NEDD4L: variants seen among roughly 807,000 people sequenced by gnomAD.
NEDD4L encodes the protein E3 ubiquitin-protein ligase NEDD4-like.
In NEDD4L, 54 loss-of-function variants were observed where a neutral mutation model predicts 148.9. That is an observed-to-expected ratio of 0.36 (90% CI 0.29 to 0.45). The LOEUF is 0.45. NEDD4L is among the 20% of genes least tolerant of loss of function. The pLI, the probability that NEDD4L is intolerant of heterozygous loss-of-function variation, is 1.00. For synonymous variants in NEDD4L, 433 were observed against 440.7 expected, an observed-to-expected ratio of 0.98 and a Z score of 0.22; for missense variants, 856 against 1,233.8, an observed-to-expected ratio of 0.69 and a Z score of 4.59.
At position 58,079,545 on chromosome 18, in the gene NEDD4L, G is replaced by T. The variant is rs547462852; in HGVS notation, c.48+34837G>T. 1.3e-4 allele frequency among the ~76,000 whole-genome samples: 20 copies of T among 152,330 alleles called. No individual in the cohort carries two copies. In the South Asian group the frequency reaches 2.9e-3, roughly 22 times the overall value. On this transcript the variant is annotated intron_variant, in intron 1 of 30. Transcript: ENST00000400345. ...TGAGCCTCAGAGAGGTTGGTGATTT[G>T]CCCCAAGTCATAGCTGGGAAGTGGC... is the stretch of plus-strand genomic sequence containing the variant.
intron 1 of NEDD4L, among the ~76,000 whole-genome samples, chr18:58,097,316 G>A (rs2084476926): frequency 6.6e-6 from 1 of 152,226 alleles, no homozygotes; most frequent in African/African-American, 2.4e-5. Flanking sequence ...CCAGGCCATA[G>A]TTCGCAGTTG....
At chr18:58,192,306 C>G (rs933985239) in intron 2 of NEDD4L, among the ~76,000 whole-genome samples, 1 of 152,170 alleles carries the variant, frequency 6.6e-6, no homozygotes, top group African/African-American at 2.4e-5. Flanking sequence ...TGTTCAAGAT[C>G]AGAAATGATT....
At chr18:58,328,172 C>T (rs540403552) in intron 9 of NEDD4L, among the ~76,000 whole-genome samples, 4 of 152,040 alleles carry the variant, frequency 2.6e-5, no homozygotes, top group Non-Finnish European at 4.4e-5. Context: ...GCCATGTTGG[C>T]CAGGTACGTC....
chr18:58,094,900 T>TTAAAAAAAAAAA (rs751417792), intron 1 of NEDD4L, among the ~76,000 whole-genome samples: 2 of 129,516 alleles, frequency 1.5e-5, no homozygotes, highest in African/African-American at 5.7e-5. Context: ...AAAGAGCACT[T>TTAAAAAAAAAAA]AAAAAAAAAA....
At position 58,160,329 on chromosome 18, in the gene NEDD4L, G is replaced by A. The variant is rs927564608; in HGVS notation, c.49-5459G>A. On this transcript the variant is annotated intron_variant, in intron 1 of 30. Coordinates refer to ENST00000400345, the MANE Select transcript of NEDD4L (RefSeq NM_001144967.3). The stretch of plus-strand genomic sequence containing the variant: ...AGTGTGCTGCTGTCACTTATGGCTC[G>A]GGCACCTTATCTTGTTTTATGTCTT... Among the ~76,000 whole-genome samples, 3 of 152,078 alleles carry A rather than the reference G, an allele frequency of 2.0e-5. No individual in the cohort carries two copies. The South Asian group carries it at 6.2e-4, about 32-fold the overall frequency.
chr18:58,224,925 G>A (rs2044185687), intron 2 of NEDD4L, among the ~76,000 whole-genome samples: 1 of 152,134 alleles, frequency 6.6e-6, no homozygotes, highest in African/African-American at 2.4e-5. Context: ...TCTGAATGAG[G>A]ATGGTGATCA....
rs751417792 is a variant in NEDD4L at position 58,094,900 on chromosome 18, T to TTAAAAA, written c.48+50192_48+50193insTAAAAA. Among the ~76,000 whole-genome samples the TTAAAAA allele has an allele frequency of 1.0e-3, 130 of 129,502 alleles. 2 individuals carry two copies. The highest frequency in any genetic ancestry group is 2.5e-3 in the African/African-American group (90 of 35,432). 85.0% of individuals were successfully genotyped at this position (129,502 alleles called of 152,430 possible). A position where few individuals can be genotyped will look rare whatever the true frequency, so the allele number is the denominator to read the frequency against. ...CGTGAATGCCTCTAGAAAGAGCACT[T>TTAAAAA]AAAAAAAAAAAAAAAAAAGAAGGGA... On this transcript the variant is annotated intron_variant, in intron 1 of 30. Coordinates refer to ENST00000400345, the MANE Select transcript of NEDD4L (RefSeq NM_001144967.3).
Position 58,044,691 on chromosome 18 carries a change from G to A in NEDD4L, c.31G>A (p.Gly11Arg). The A allele has an allele frequency of 6.2e-7, 1 of 1,609,302 alleles. No individual in the cohort carries two copies. ...GACCGGGCTCGGGGAGCCGGTCTAT[G>A]GACTTTCCGAAGACGAGGTGAGTGG... Reference protein sequence around the residue: MATGLGEPVYGLSEDEGESRI... With the variant: MATGLGEPVYRLSEDEGESRI... The change falls in exon 1 of 31, where the codon GGA becomes AGA. Residue 11 changes from glycine to arginine, a missense_variant. Transcript: ENST00000400345.
intron 10 of NEDD4L, among the ~76,000 whole-genome samples, chr18:58,329,587 C>T (rs1381679550): frequency 6.6e-6 from 1 of 151,920 alleles, no homozygotes; most frequent in African/African-American, 2.4e-5. Flanking sequence ...AATCTCCTGA[C>T]CTCGAGATCC....
At chr18:58,377,738 GGTTT>G (rs142530831) in intron 24 of NEDD4L, among the ~76,000 whole-genome samples, 2 of 151,390 alleles carry the variant, frequency 1.3e-5, no homozygotes, top group South Asian at 2.1e-4. Flanking sequence ...TTTGGTTATG[GGTTT>G]GTTTGTTTGT....
intron 2 of NEDD4L, among the ~76,000 whole-genome samples, chr18:58,244,544 A>G (rs1452762100): frequency 2.6e-5 from 4 of 152,248 alleles, no homozygotes. Flanking sequence ...TGATGTGTAC[A>G]AGGAATTCTG....
intron 2 of NEDD4L, among the ~76,000 whole-genome samples, chr18:58,186,654 A>G (rs2039515721): frequency 6.6e-6 from 1 of 152,216 alleles, no homozygotes; most frequent in African/African-American, 2.4e-5. Context: ...TATTATTGGC[A>G]TTTTCCAGAT....
At chr18:58,125,618 C>G (rs2030936395) in intron 1 of NEDD4L, among the ~76,000 whole-genome samples, 1 of 152,194 alleles carries the variant, frequency 6.6e-6, no homozygotes, top group Non-Finnish European at 1.5e-5. Flanking sequence ...CCTCTCCACT[C>G]TCTTCTCTGT....
At chr18:58,230,683 A>G (rs1014295043) in intron 2 of NEDD4L, among the ~76,000 whole-genome samples, 8 of 152,214 alleles carry the variant, frequency 5.3e-5, no homozygotes. Context: ...AAGAAGGTCA[A>G]CATTCTGAGG....
Position 58,389,081 on chromosome 18 carries a change from CT to C in NEDD4L, c.2548-3del. ...CTTTTACATCTGGTAAATTTTCTTC[CT>C]AGTTGCTCATGTGCGGCCTCGGTGA... On this transcript the variant is annotated splice_region_variant and splice_polypyrimidine_tract_variant and intron_variant, in intron 27 of 30. Coordinates refer to ENST00000400345, the MANE Select transcript of NEDD4L (RefSeq NM_001144967.3). 1 of 1,612,886 alleles carries C rather than the reference CT, an allele frequency of 6.2e-7. No homozygotes were observed. Among genetic ancestry groups the C allele is most frequent in the Non-Finnish European group, 8.5e-7 (1 of 1,178,932 alleles).
intron 2 of NEDD4L, among the ~76,000 whole-genome samples, chr18:58,231,559 C>G (rs2148139435): frequency 6.6e-6 from 1 of 151,902 alleles, no homozygotes; most frequent in Admixed American, 6.6e-5. Flanking sequence ...CTGTTATTGA[C>G]AAGTGGTTTT....
At chr18:58,213,144 T>C (rs375849398) in intron 2 of NEDD4L, among the ~76,000 whole-genome samples, 2,622 of 112,366 alleles carry the variant, frequency 0.023, 23 homozygotes, top group Middle Eastern at 0.057. Flanking sequence ...ATGTGAATTA[T>C]GGGCAGTTGG....
At chr18:58,058,921 A>T (rs1455504124) in intron 1 of NEDD4L, among the ~76,000 whole-genome samples, 1 of 152,188 alleles carries the variant, frequency 6.6e-6, no homozygotes, top group Non-Finnish European at 1.5e-5. Context: ...CCAATGATTT[A>T]TCTCCAGTCC....
At chr18:58,291,784 C>G (rs1457519153) in intron 5 of NEDD4L, among the ~76,000 whole-genome samples, 1 of 152,070 alleles carries the variant, frequency 6.6e-6, no homozygotes, top group African/African-American at 2.4e-5. Flanking sequence ...GATTTCCCCC[C>G]ACCCCATGGA....
Sources: allele counts gnomAD v4.1 joint callset (sites outside exome capture counted in the v4.1 genomes callset), GRCh38; gene constraint gnomAD v4.1.1; transcripts MANE v1.5; gene names NCBI Gene and HGNC (gene_info 2026-07-23, HGNC 2026-07-21).